The following EPHB1 variants were observed in gnomAD, a reference collection of about 807,000 sequenced individuals.
EPHB1 encodes ephrin type-B receptor 1.
In EPHB1, 30 loss-of-function variants were observed where a neutral mutation model predicts 94.4. The observed-to-expected ratio is 0.32, with a 90% CI of 0.24 to 0.43. The LOEUF (loss-of-function observed/expected upper bound fraction) is 0.43. Among genes scored for constraint, EPHB1 ranks in the 20% least tolerant of loss-of-function variants. The pLI is 1.00. For synonymous variants in EPHB1, 522 were observed against 489.1 expected (o/e 1.07, Z -0.89); for missense variants, 1,055 against 1,308.3 (o/e 0.81, Z 2.99).
intron 2 of EPHB1, among the ~76,000 whole-genome samples, chr3:134,931,733 T>G (rs1016028201): frequency 1.3e-5 from 2 of 152,176 alleles, no homozygotes; most frequent in Non-Finnish European, 2.9e-5. Flanking sequence ...ATATGTCTCT[T>G]TAGAAATATA....
intron 1 of EPHB1, among the ~76,000 whole-genome samples, chr3:134,876,333 C>A (rs2037615781): frequency 6.6e-6 from 1 of 152,208 alleles, no homozygotes; most frequent in African/African-American, 2.4e-5. Flanking sequence ...GTTTCTTGCC[C>A]AGCCTGTAGG....
At chr3:135,127,616 G>A (rs565183796) in intron 4 of EPHB1, among the ~76,000 whole-genome samples, 3 of 152,238 alleles carry the variant, frequency 2.0e-5, no homozygotes, top group Non-Finnish European at 4.4e-5. Flanking sequence ...GGCTTTGGGG[G>A]CTTACCTGTC....
At chr3:135,180,722 C>G (rs1942132114) in intron 10 of EPHB1, among the ~76,000 whole-genome samples, 1 of 152,170 alleles carries the variant, frequency 6.6e-6, no homozygotes, top group Non-Finnish European at 1.5e-5. Flanking sequence ...GTCAATTTGG[C>G]AATGGACCTA....
At chr3:135,088,892 T>G (rs1938459666) in intron 3 of EPHB1, among the ~76,000 whole-genome samples, 1 of 152,254 alleles carries the variant, frequency 6.6e-6, no homozygotes, top group African/African-American at 2.4e-5. Context: ...TATTAACTGC[T>G]ATTAATACTT....
At chr3:134,967,904 T>C (rs1214299267) in intron 3 of EPHB1, among the ~76,000 whole-genome samples, 1 of 152,202 alleles carries the variant, frequency 6.6e-6, no homozygotes, top group African/African-American at 2.4e-5. Context: ...AGTGGACTTT[T>C]CAGGAGTCCA....
intron 3 of EPHB1, among the ~76,000 whole-genome samples, chr3:134,974,786 C>T (rs1331415468): frequency 6.6e-6 from 1 of 152,130 alleles, no homozygotes; most frequent in Non-Finnish European, 1.5e-5. Context: ...AGACTGTGAG[C>T]TCCCCAAAGC....
At position 134,948,362 on chromosome 3, in the gene EPHB1, A is replaced by G. The variant is rs574763313; in HGVS notation, c.124-3009A>G. Among the ~76,000 whole-genome samples the G allele has an allele frequency of 5.7e-4, 87 of 152,082 alleles. 1 individual carries two copies. The Middle Eastern group carries it at 0.017, about 30-fold the overall frequency. On this transcript the variant is annotated intron_variant, in intron 2 of 15. Coordinates refer to ENST00000398015, the MANE Select transcript of EPHB1 (RefSeq NM_004441.5). The stretch of plus-strand genomic sequence containing the variant: ...AAAAAAAATTTCCTTTCCTCAAGTC[A>G]TGTAGGGTCAACTGAGAAAATGCTG...
intron 9 of EPHB1, among the ~76,000 whole-genome samples, chr3:135,169,889 G>A (rs1457168803): frequency 6.6e-6 from 1 of 152,216 alleles, no homozygotes; most frequent in African/African-American, 2.4e-5. Flanking sequence ...GCCTGATTAT[G>A]AGGAGCAGCT....
chr3:135,183,247 TCTTCCTTC>T lies in EPHB1; in HGVS notation c.1882+3304_1882+3311del, dbSNP rs61228471. 4.7e-3 allele frequency among the ~76,000 whole-genome samples: 430 copies of T among 91,376 alleles called. 5 individuals carry two copies. The highest frequency in any genetic ancestry group is 9.6e-3 in the African/African-American group (237 of 24,658). 59.9% of individuals were successfully genotyped at this position (91,376 alleles called of 152,430 possible). A position where few individuals can be genotyped will look rare whatever the true frequency, so the allele number is the denominator to read the frequency against. On this transcript the variant is annotated intron_variant, in intron 10 of 15. Transcript: ENST00000398015. The stretch of plus-strand genomic sequence containing the variant: ...CCCTCCCTTCCTCCCTCCCTCCCTT[TCTTCCTTC>T]CTTCCTTCCTTCCTTCCTTCCTTCC...
chr3:135,070,466 G>A (rs1559818013), intron 3 of EPHB1, among the ~76,000 whole-genome samples: 1 of 152,162 alleles, frequency 6.6e-6, no homozygotes, highest in Non-Finnish European at 1.5e-5. Flanking sequence ...GCATTACTTG[G>A]AGTACTGACC....
chr3:135,134,683 A>G (rs1204098312), intron 5 of EPHB1, among the ~76,000 whole-genome samples: 2 of 152,226 alleles, frequency 1.3e-5, no homozygotes. Flanking sequence ...TTTCTGCATT[A>G]TGTTAAGCAT....
chr3:135,021,963 A>G lies in EPHB1; in HGVS notation c.805+69911A>G, dbSNP rs189461611. On this transcript the variant is annotated intron_variant, in intron 3 of 15. Transcript: ENST00000398015. ...TTCAATTTTAGGATCAACCTTAGTC[A>G]TGTTGAATGTTGTGTTTTGTTTGTT... is the stretch of plus-strand genomic sequence containing the variant. 1.3e-4 allele frequency among the ~76,000 whole-genome samples: 20 copies of G among 151,150 alleles called. No individual in the cohort carries two copies. The East Asian group carries it at 3.9e-3, about 29-fold the overall frequency.
intron 3 of EPHB1, among the ~76,000 whole-genome samples, chr3:135,069,395 A>T (rs1028974326): frequency 8.5e-5 from 13 of 152,094 alleles, no homozygotes; most frequent in Non-Finnish European, 1.8e-4. Context: ...TTTTTGAGTT[A>T]TTGGGGAGTA....
At chr3:135,024,571 A>C (rs1185909678) in intron 3 of EPHB1, among the ~76,000 whole-genome samples, 1 of 152,144 alleles carries the variant, frequency 6.6e-6, no homozygotes, top group Non-Finnish European at 1.5e-5. Context: ...TCTGGTCTCC[A>C]TCCATCCTAC....
At chr3:135,177,041 C>G (rs968607568) in intron 9 of EPHB1, among the ~76,000 whole-genome samples, 1 of 152,174 alleles carries the variant, frequency 6.6e-6, no homozygotes, top group African/African-American at 2.4e-5. Flanking sequence ...TATAACAAGT[C>G]TATCAGTCAG....
At chr3:135,025,164 T>TC (rs1936112913) in intron 3 of EPHB1, among the ~76,000 whole-genome samples, 1 of 83,348 alleles carries the variant, frequency 1.2e-5, no homozygotes, top group African/African-American at 4.4e-5. Context: ...CTTCCTTCTT[T>TC]CTTTTTTTTT....
chr3:135,071,255 C>T (rs116099762), intron 3 of EPHB1, among the ~76,000 whole-genome samples: 1,556 of 152,286 alleles, frequency 0.01, 28 homozygotes, highest in African/African-American at 0.035. Flanking sequence ...AAGGTGAAAC[C>T]ATACAATCTC....
chr3:135,030,648 A>T (rs1026376439), intron 3 of EPHB1, among the ~76,000 whole-genome samples: 4 of 152,342 alleles, frequency 2.6e-5, no homozygotes, highest in South Asian at 2.1e-4. Context: ...AGGGACATTT[A>T]AGTCCGCAGA....
chr3:135,190,476 C>T (rs978090293), intron 10 of EPHB1, among the ~76,000 whole-genome samples: 34 of 152,226 alleles, frequency 2.2e-4, no homozygotes, highest in African/African-American at 7.7e-4. Flanking sequence ...ATATATATAG[C>T]ATATATATGC....
Sources: gnomAD v4.1 joint callset for allele counts (sites outside exome capture counted in the v4.1 genomes callset) on GRCh38, gnomAD v4.1.1 for gene constraint, MANE v1.5 for transcripts, NCBI Gene and HGNC (gene_info 2026-07-23, HGNC 2026-07-21) for gene names.